Variants in GCSAML observed in about 807,000 individuals in gnomAD.
GCSAML encodes germinal center-associated signaling and motility-like protein.
In GCSAML, 9 loss-of-function variants were observed where a neutral mutation model predicts 13.0. The observed-to-expected ratio is 0.69, with a 90% confidence interval of 0.42 to 1.21. The LOEUF is 1.21. Among genes scored for constraint, GCSAML ranks in the 50% most tolerant of loss-of-function variants. The pLI is 0.00. For missense variants in GCSAML, 143 were observed against 153.4 expected (o/e 0.93, Z 0.36); for synonymous variants, 37 against 52.9 (o/e 0.70, Z 1.31).
intron 1 of GCSAML, among the ~76,000 whole-genome samples, chr1:247,522,252 GGGGGCAGCCCCCACCCGGC>G (rs1484178970): frequency 5.7e-5 from 7 of 122,164 alleles, no homozygotes; most frequent in African/African-American, 3.1e-5. Context: ...GAGGGAGGTG[GGGGGCAGCCCCCACCCGGC>G]TAGCCGCCCT....
chr1:247,556,969 A>G (rs1044116091), intron 2 of GCSAML, among the ~76,000 whole-genome samples: 1 of 152,088 alleles, frequency 6.6e-6, no homozygotes, highest in African/African-American at 2.4e-5. Flanking sequence ...ACTATCTTAC[A>G]TGCATTCTCC....
In GCSAML at chr1:247,539,871, C is replaced by T. The variant is rs77649298; in HGVS notation, c.-147-9174C>T. Among the ~76,000 whole-genome samples the T allele has an allele frequency of 3.9e-5, 6 of 152,288 alleles. No homozygotes were observed. In the East Asian group the frequency reaches 1.2e-3, roughly 29 times the overall value. ...TTCCTACCTGACTCTGTAAATACCC[C>T]ATGTTGTTTCATAATCCATGAGTAT... On this transcript the variant is annotated intron_variant, in intron 2 of 5. Transcript: ENST00000366489.
chr1:247,519,938 T>A (rs1395977171), intron 1 of GCSAML, among the ~76,000 whole-genome samples: 7 of 152,236 alleles, frequency 4.6e-5, no homozygotes, highest in African/African-American at 1.7e-4. Flanking sequence ...GATGATATGT[T>A]GACAGTGATT....
chr1:247,532,889 G>A (rs1247668705), intron 2 of GCSAML, among the ~76,000 whole-genome samples: 2 of 152,004 alleles, frequency 1.3e-5, no homozygotes, highest in Non-Finnish European at 2.9e-5. Context: ...GGTGTTCACT[G>A]TCTGGGGAAA....
chr1:247,564,963 A>G (rs940581010), intron 3 of GCSAML, among the ~76,000 whole-genome samples: 1 of 152,224 alleles, frequency 6.6e-6, no homozygotes, highest in Non-Finnish European at 1.5e-5. Flanking sequence ...ATGAGCAAAT[A>G]TTTCATGATC....
At chr1:247,553,027 T>C (rs1044332127) in intron 1 of GCSAML, among the ~76,000 whole-genome samples, 2 of 152,228 alleles carry the variant, frequency 1.3e-5, no homozygotes, top group Non-Finnish European at 2.9e-5. Context: ...GTGCTGGGAT[T>C]ACAGGCGTGA....
chr1:247,550,741 G>T (rs560161057), intron 1 of GCSAML, among the ~76,000 whole-genome samples: 1 of 152,246 alleles, frequency 6.6e-6, no homozygotes, highest in South Asian at 2.1e-4. Flanking sequence ...GAGGACAAAT[G>T]ACACAATTGT....
intron 1 of GCSAML, chr1:247,519,144 G>A (rs1666330222): frequency 6.6e-6 from 1 of 152,266 alleles, no homozygotes. Context: ...CTCTCTTTCA[G>A]GGGTCTCAGA....
At chr1:247,550,007 G>A (rs899285275) in intron 1 of GCSAML, among the ~76,000 whole-genome samples, 13 of 152,202 alleles carry the variant, frequency 8.5e-5, no homozygotes, top group Non-Finnish European at 1.5e-4. Context: ...CTGTGCTCCA[G>A]TGGGTACCAT....
At chr1:247,564,360 G>T (rs1668257746) in intron 3 of GCSAML, among the ~76,000 whole-genome samples, 1 of 146,466 alleles carries the variant, frequency 6.8e-6, no homozygotes, top group South Asian at 2.2e-4. Context: ...TCCAGCCTGA[G>T]CAATGTAGCA....
chr1:247,572,529 G>A (rs544604463), intron 4 of GCSAML, among the ~76,000 whole-genome samples: 12 of 152,286 alleles, frequency 7.9e-5, no homozygotes, highest in African/African-American at 2.9e-4. Context: ...TATTACCAGT[G>A]GAGACTGCAG....
chr1:247,512,009 T>G (rs1666056795), intron 1 of GCSAML, among the ~76,000 whole-genome samples: 1 of 152,150 alleles, frequency 6.6e-6, no homozygotes, highest in Non-Finnish European at 1.5e-5. Context: ...TCGCGGAGTA[T>G]CTTAACGGTG....
intron 4 of GCSAML, among the ~76,000 whole-genome samples, chr1:247,567,057 G>A (rs1228675791): frequency 6.6e-6 from 1 of 150,494 alleles, no homozygotes; most frequent in Non-Finnish European, 1.5e-5. Flanking sequence ...AGCTTGGAGT[G>A]CAGTTTATGC....
At position 247,526,732 on chromosome 1, in the gene GCSAML, CA is replaced by C; in HGVS notation, c.-262-205del. The C allele has an allele frequency of 2.8e-6, 1 of 356,578 alleles. No individual in the cohort carries two copies. 22.1% of individuals were successfully genotyped at this position (356,578 alleles called of 1,614,324 possible). On this transcript the variant is annotated intron_variant, in intron 1 of 5. Coordinates refer to the GCSAML transcript ENST00000366489. The surrounding 1 kb of genome is among the most constrained non-coding windows in gnomAD (Gnocchi z 4.8). ...GGTTTTCTGTCCTGTGAGAAGCCAT[CA>C]AAGCCTATGGTTGCTGCAAGAGGAA...
chr1:247,552,221 C>T (rs1667800583), intron 1 of GCSAML, among the ~76,000 whole-genome samples: 1 of 152,120 alleles, frequency 6.6e-6, no homozygotes, highest in Admixed American at 6.5e-5. Context: ...TTCTGAGCCC[C>T]AACAAAGAGA....
At chr1:247,556,202 ATTCTGTC>A (rs1667939178) in intron 1 of GCSAML, among the ~76,000 whole-genome samples, 198 bp from the exon 2 acceptor site, 1 of 152,226 alleles carries the variant, frequency 6.6e-6, no homozygotes, top group African/African-American at 2.4e-5. Flanking sequence ...GACTATGGGC[ATTCTGTC>A]CCATCAGAGT....
At position 247,574,886 on chromosome 1, in the gene GCSAML, A is replaced by T. The variant is rs1241941295; in HGVS notation, c.*504A>T. ...ACTGATTGTGGCAATAAGAGTCCCA[A>T]TTCCAACCTGACTCTGGTGTAGATC... is the stretch of plus-strand genomic sequence containing the variant. On this transcript the variant is annotated 3_prime_UTR_variant, in exon 5 of 5. Coordinates refer to ENST00000366488, the MANE Select transcript of GCSAML (RefSeq NM_145278.5). The T allele has an allele frequency of 6.1e-6, 1 of 163,204 alleles. No homozygotes were observed. The highest frequency in any genetic ancestry group is 1.4e-5 in the Non-Finnish European group (1 of 73,750). The allele number at this position is 163,204 out of a possible 1,614,324, so 10.1% of individuals were successfully genotyped here. A position where few individuals can be genotyped will look rare whatever the true frequency, so the allele number is the denominator to read the frequency against.
chr1:247,562,105 C>A (rs988735436), intron 2 of GCSAML, among the ~76,000 whole-genome samples: 1 of 152,104 alleles, frequency 6.6e-6, no homozygotes, highest in African/African-American at 2.4e-5. Flanking sequence ...TTTGTTTGGC[C>A]TAAAAAGCTG....
chr1:247,557,411 C>T (rs1006782998), intron 2 of GCSAML, among the ~76,000 whole-genome samples: 1 of 152,132 alleles, frequency 6.6e-6, no homozygotes, highest in Non-Finnish European at 1.5e-5. Flanking sequence ...GATATCTTGC[C>T]TCAGCTTAGA....
Sources: allele counts gnomAD v4.1 joint callset (sites outside exome capture counted in the v4.1 genomes callset), GRCh38; gene constraint gnomAD v4.1.1; non-coding constraint Gnocchi (gnomAD v3.1); transcripts MANE v1.5; gene names NCBI Gene and HGNC (gene_info 2026-07-23, HGNC 2026-07-21).